Variants in DYM observed in about 807,000 individuals in gnomAD.
The protein encoded by DYM is dymeclin.
In DYM, 78 loss-of-function variants were observed where a neutral mutation model predicts 93.1. That is an observed-to-expected ratio of 0.84 (90% CI 0.70 to 1.01). The LOEUF is 1.01. Among genes scored for constraint, DYM ranks in the 50% least tolerant of loss-of-function variants. The probability of loss-of-function intolerance (pLI) is 0.00; values close to 1 mark genes in which losing one functional copy is unlikely to be tolerated. For synonymous variants in DYM, 321 were observed against 319.7 expected (o/e 1.00, Z -0.04); for missense variants, 789 against 845.0 (o/e 0.93, Z 0.82).
chr18:49,264,069 G>A (rs1174471054), intron 11 of DYM, among the ~76,000 whole-genome samples: 6 of 150,552 alleles, frequency 4.0e-5, no homozygotes, highest in Non-Finnish European at 8.9e-5. Flanking sequence ...CCTCCCCAGA[G>A]GCAGCCACTA....
chr18:49,126,832 G>A (rs2082878533), intron 15 of DYM, among the ~76,000 whole-genome samples: 1 of 151,964 alleles, frequency 6.6e-6, no homozygotes, highest in African/African-American at 2.4e-5. Flanking sequence ...AAATATAAAT[G>A]GCTTTCCAAA....
intron 5 of DYM, among the ~76,000 whole-genome samples, chr18:49,378,168 C>T (rs2067693302): frequency 6.6e-6 from 1 of 152,172 alleles, no homozygotes; most frequent in Non-Finnish European, 1.5e-5. Flanking sequence ...TGAAAGTAAC[C>T]TTTACCATAA....
intron 6 of DYM, among the ~76,000 whole-genome samples, chr18:49,336,318 TCTC>T (rs559267113): frequency 7.2e-5 from 11 of 152,090 alleles, no homozygotes; most frequent in Non-Finnish European, 1.5e-4. Context: ...AAAGTGTTCT[TCTC>T]CTTCAAAATT....
intron 14 of DYM, among the ~76,000 whole-genome samples, chr18:49,192,274 G>A (rs1320877676): frequency 6.6e-6 from 1 of 151,494 alleles, no homozygotes; most frequent in African/African-American, 2.4e-5. Flanking sequence ...CCATAAAATG[G>A]GAATAATAAT....
intron 8 of DYM, among the ~76,000 whole-genome samples, chr18:49,292,347 GACAGACAGAC>G (rs1426875459): frequency 2.2e-4 from 15 of 68,382 alleles, no homozygotes; most frequent in Non-Finnish European, 3.9e-4. Context: ...CAGACAGACA[GACAGACAGAC>G]ACACACACAC....
intron 8 of DYM, among the ~76,000 whole-genome samples, chr18:49,308,144 A>T (rs1229875434): frequency 6.6e-6 from 1 of 152,202 alleles, no homozygotes; most frequent in African/African-American, 2.4e-5. Flanking sequence ...AAAAACTGAA[A>T]AAGAATGAGA....
chr18:49,275,014 G>A (rs911941554), intron 10 of DYM, among the ~76,000 whole-genome samples: 1 of 151,688 alleles, frequency 6.6e-6, no homozygotes, highest in African/African-American at 2.4e-5. Context: ...TTCTTTCATT[G>A]CTCATGCTTT....
At chr18:49,323,484 T>C (rs1441146550) in intron 8 of DYM, among the ~76,000 whole-genome samples, 1 of 152,164 alleles carries the variant, frequency 6.6e-6, no homozygotes, top group African/African-American at 2.4e-5. Flanking sequence ...GTGAAGGGAT[T>C]AGAAGGTGGA....
intron 8 of DYM, among the ~76,000 whole-genome samples, chr18:49,289,755 A>ATATATG (rs2059955509): frequency 6.9e-5 from 3 of 43,564 alleles, no homozygotes; most frequent in Non-Finnish European, 1.3e-4. Context: ...ATATATATAT[A>ATATATG]TATATATATA....
At chr18:49,224,856 C>A (rs2093475175) in intron 13 of DYM, among the ~76,000 whole-genome samples, 2 of 152,020 alleles carry the variant, frequency 1.3e-5, no homozygotes, top group African/African-American at 4.8e-5. Context: ...TAAAGTATCA[C>A]AAGATCACTT....
intron 17 of DYM, among the ~76,000 whole-genome samples, chr18:49,086,785 C>T (rs1317037850): frequency 2.6e-5 from 4 of 151,968 alleles, no homozygotes; most frequent in African/African-American, 2.4e-5. Flanking sequence ...GTCAGGAGTT[C>T]GAGATCAGCC....
chr18:49,080,153 G>GT (rs1435866304), intron 17 of DYM, among the ~76,000 whole-genome samples: 1,985 of 42,918 alleles, frequency 0.046, 487 homozygotes, highest in Non-Finnish European at 0.11. Flanking sequence ...GGCTGGCCGG[G>GT]GGGGGGCTGA....
intron 1 of DYM, among the ~76,000 whole-genome samples, chr18:49,460,159 T>G (rs1014406929): frequency 2.0e-5 from 3 of 152,170 alleles, no homozygotes; most frequent in African/African-American, 7.2e-5. Flanking sequence ...AAGCACCGAC[T>G]TGGCCTTCGG....
intron 9 of DYM, among the ~76,000 whole-genome samples, chr18:49,283,333 A>C (rs1568167403): frequency 1.3e-5 from 2 of 152,304 alleles, no homozygotes; most frequent in East Asian, 3.9e-4. Flanking sequence ...ACCAAGCTTG[A>C]GACAACTACC....
chr18:49,123,293 A>G lies in DYM; in HGVS notation c.1729-4367T>C, dbSNP rs182397727. Among the ~76,000 whole-genome samples the G allele has an allele frequency of 2.1e-3, 314 of 152,246 alleles. 2 individuals are homozygous for G. The highest frequency in any genetic ancestry group is 6.8e-3 in the African/African-American group (281 of 41,548). On this transcript the variant is annotated intron_variant, in intron 15 of 17. Transcript: ENST00000675505. ...ATGTGGTGGCTTCCTAGAGTCTCAG[A>G]CTGAAACCAGGTCTCATAATTGGTG...
rs376068734 is a variant in DYM, at chr18:49,241,954, C to T, written c.1460+15056G>A. Among the ~76,000 whole-genome samples the T allele has an allele frequency of 2.7e-3, 414 of 152,326 alleles. 23 individuals carry two copies. In the South Asian group the frequency reaches 0.075, roughly 28 times the overall value. ...AGTTTCTACGATAAGTCACCTTCTA[C>T]GCTGCGAGTTATCAACCATTTTCCC... is the stretch of plus-strand genomic sequence containing the variant. On this transcript the variant is annotated intron_variant, in intron 13 of 17. Coordinates refer to ENST00000675505, the MANE Select transcript of DYM (RefSeq NM_001353214.3).
At chr18:49,183,663 A>G (rs781119714) in intron 14 of DYM, among the ~76,000 whole-genome samples, 5 of 152,144 alleles carry the variant, frequency 3.3e-5, no homozygotes, top group African/African-American at 1.2e-4. Flanking sequence ...GTGCCTGTAC[A>G]TTTAACAGGG....
chr18:49,072,618 C>T (rs1209416418), intron 17 of DYM, among the ~76,000 whole-genome samples: 2 of 152,232 alleles, frequency 1.3e-5, no homozygotes, highest in African/African-American at 4.8e-5. Context: ...CGTGAGAAAC[C>T]CTGTAACCAA....
chr18:49,221,191 C>G (rs62104574), intron 13 of DYM, among the ~76,000 whole-genome samples: 7 of 152,018 alleles, frequency 4.6e-5, no homozygotes, highest in Admixed American at 4.6e-4. Context: ...AAATGCAAAT[C>G]AAAACCACAA....
Sources: gnomAD v4.1 joint callset for allele counts (sites outside exome capture counted in the v4.1 genomes callset) on GRCh38, gnomAD v4.1.1 for gene constraint, MANE v1.5 for transcripts, NCBI Gene and HGNC (gene_info 2026-07-23, HGNC 2026-07-21) for gene names.